The following DENND4C variants were observed in gnomAD, a reference collection of about 807,000 sequenced individuals.
DENND4C encodes the protein DENN domain containing 4C, also known as DENN domain-containing protein 4C.
Under a neutral mutation model 203.0 loss-of-function variants are expected in DENND4C, and 108 were observed. The observed-to-expected ratio is 0.53, with a 90% CI of 0.46 to 0.62. The LOEUF (loss-of-function observed/expected upper bound fraction) is 0.62, where lower values mean the gene tolerates loss of function less well. Among genes scored for constraint, DENND4C ranks in the 20% least tolerant of loss-of-function variants. DENND4C has a pLI of 0.00. For synonymous variants in DENND4C, 871 were observed against 792.4 expected (o/e 1.10, Z -1.67); for missense variants, 2,481 against 2,301.2 (o/e 1.08, Z -1.60).
chr9:19,234,681 A>G (rs929365671), intron 1 of DENND4C, among the ~76,000 whole-genome samples: 1 of 151,808 alleles, frequency 6.6e-6, no homozygotes, highest in African/African-American at 2.4e-5. Context: ...GTGCGCGTGC[A>G]TGTGCGTGCA....
intron 1 of DENND4C, among the ~76,000 whole-genome samples, chr9:19,236,136 A>T (rs1441618479): frequency 4.6e-5 from 7 of 151,926 alleles, no homozygotes; most frequent in Non-Finnish European, 1.0e-4. Flanking sequence ...TCTTTTTTTA[A>T]ATTATGGAAA....
intron 1 of DENND4C, among the ~76,000 whole-genome samples, chr9:19,247,016 A>G (rs1825448141): frequency 6.6e-6 from 1 of 152,160 alleles, no homozygotes; most frequent in Non-Finnish European, 1.5e-5. Flanking sequence ...CACTCCCACC[A>G]ACTGAAATCA....
intron 10 of DENND4C, among the ~76,000 whole-genome samples, chr9:19,315,698 G>A (rs1251618392): frequency 6.7e-6 from 1 of 150,222 alleles, no homozygotes; most frequent in Non-Finnish European, 1.5e-5. Context: ...CATCTCTATG[G>A]CTTTGGGGTT....
At chr9:19,293,602 T>G (rs1836812823) in intron 5 of DENND4C, among the ~76,000 whole-genome samples, 1 of 152,132 alleles carries the variant, frequency 6.6e-6, no homozygotes, top group Non-Finnish European at 1.5e-5. Flanking sequence ...GGGATGGGTA[T>G]AGTGATAGAA....
Position 19,370,379 on chromosome 9 carries a change from A to C in DENND4C, c.5675+392A>C, listed in dbSNP as rs543811628. 2.6e-5 allele frequency among the ~76,000 whole-genome samples: 4 copies of C among 152,168 alleles called. No individual in the cohort carries two copies. The South Asian group carries it at 6.2e-4, about 24-fold the overall frequency. ...TAAGACAGGAGGATTTCTTGAGCCC[A>C]GGAGGTCCAGGTTACAGTCAGCTGT... On this transcript the variant is annotated intron_variant, in intron 31 of 32. Transcript: ENST00000434457.
intron 2 of DENND4C, among the ~76,000 whole-genome samples, chr9:19,283,749 C>G (rs1244300854): frequency 6.6e-6 from 1 of 151,438 alleles, no homozygotes; most frequent in Non-Finnish European, 1.5e-5. Context: ...GCACCTGCCA[C>G]CATGCCAGGC....
chr9:19,233,935 G>GA (rs1190652795), intron 1 of DENND4C, among the ~76,000 whole-genome samples: 1 of 152,012 alleles, frequency 6.6e-6, no homozygotes, highest in Non-Finnish European at 1.5e-5. Context: ...AAATTCAAAA[G>GA]AAAAAATTTA....
At chr9:19,278,192 G>A (rs1321165963) in intron 2 of DENND4C, among the ~76,000 whole-genome samples, 2 of 151,608 alleles carry the variant, frequency 1.3e-5, no homozygotes, top group Admixed American at 1.3e-4. Flanking sequence ...CTGGAGTGCA[G>A]TGGCGCAATC....
intron 30 of DENND4C, 40 bp from the exon 31 acceptor site, chr9:19,369,797 G>T: frequency 7.6e-6 from 9 of 1,181,318 alleles, no homozygotes; most frequent in Middle Eastern, 2.1e-4. Flanking sequence ...AATAATAATA[G>T]TAATAATTGA....
chr9:19,299,749 C>G (rs1838175699), intron 8 of DENND4C, among the ~76,000 whole-genome samples: 1 of 152,134 alleles, frequency 6.6e-6, no homozygotes, highest in Admixed American at 6.5e-5. Flanking sequence ...GCCAGTGTGT[C>G]CTTTTGAAAA....
At position 19,326,222 on chromosome 9, in the gene DENND4C, T is replaced by C. The variant is rs762884510; in HGVS notation, c.2120+28T>C. ...AGTAGGAAGTTTTAAAAGAGCTTAA[T>C]GGCACAGCCTATCAGTTTCTTTTAA... On this transcript the variant is annotated intron_variant, in intron 15 of 32. Transcript: ENST00000434457. 4 of 1,584,448 alleles carry C rather than the reference T, an allele frequency of 2.5e-6. No homozygotes were observed. In the African/African-American group the frequency reaches 4.1e-5, roughly 16 times the overall value.
intron 5 of DENND4C, chr9:19,292,703 GC>G (rs1564126178): frequency 6.6e-6 from 1 of 151,736 alleles, no homozygotes; most frequent in African/African-American, 2.4e-5. Flanking sequence ...CTGCCACCAC[GC>G]CCGGCTAATT....
At chr9:19,354,310 G>A (rs10121945) in intron 26 of DENND4C, among the ~76,000 whole-genome samples, 17,345 of 152,076 alleles carry the variant, frequency 0.11, 1,264 homozygotes, top group African/African-American at 0.19. Flanking sequence ...TTGGACTTGT[G>A]AAGTAGTTTC....
intron 1 of DENND4C, among the ~76,000 whole-genome samples, chr9:19,248,564 AT>A (rs1212778065): frequency 4.6e-5 from 7 of 151,412 alleles, no homozygotes; most frequent in African/African-American, 1.7e-4. Flanking sequence ...TAATTTTTGT[AT>A]TTTTAGTAAA....
chr9:19,290,564 C>A, intron 4 of DENND4C, 140 bp from the exon 5 acceptor site: 1 of 536,834 alleles, frequency 1.9e-6, no homozygotes, highest in Non-Finnish European at 2.9e-6. Context: ...TCTGTTATAG[C>A]AAGGGGGAAA....
At chr9:19,245,251 G>A (rs1219994361) in intron 1 of DENND4C, among the ~76,000 whole-genome samples, 1 of 151,510 alleles carries the variant, frequency 6.6e-6, no homozygotes, top group Non-Finnish European at 1.5e-5. Context: ...GGCAGATCAC[G>A]AGGTCAGGAG....
chr9:19,363,665 T>TAAA (rs1421731359), intron 30 of DENND4C, among the ~76,000 whole-genome samples: 1 of 152,144 alleles, frequency 6.6e-6, no homozygotes, highest in Admixed American at 6.5e-5. Context: ...AAACATATTT[T>TAAA]AAAAGCTCAA....
At chr9:19,263,656 C>CT (rs1287405760) in intron 1 of DENND4C, among the ~76,000 whole-genome samples, 1 of 135,268 alleles carries the variant, frequency 7.4e-6, no homozygotes, top group African/African-American at 2.9e-5. Flanking sequence ...ATTTTCTTCC[C>CT]ATTTTTTTTT....
Position 19,276,185 on chromosome 9 carries a change from A to G in DENND4C, c.11A>G (p.Asp4Gly). MIE[D>G]KGPRVTDYFV... The stretch of plus-strand genomic sequence containing the variant: ...AATACAGTAGCAGCCATGATAGAAG[A>G]CAAAGGACCAAGAGTGACAGACTAC... Residue 4 changes from aspartate to glycine, a missense_variant, in exon 2 of 33, where the codon GAC becomes GGC. This residue lies in a region of DENND4C where 187 missense variants were observed against 167.4 expected (regional missense o/e 1.12). Transcript: ENST00000434457. 1 of 1,232,054 alleles carries G rather than the reference A, an allele frequency of 8.1e-7. No homozygotes were observed. The highest frequency in any genetic ancestry group is 1.5e-5 in the African/African-American group (1 of 64,540). 76.3% of individuals were successfully genotyped at this position (1,232,054 alleles called of 1,614,324 possible). A position where few individuals can be genotyped will look rare whatever the true frequency, so the allele number is the denominator to read the frequency against.
Sources: gnomAD v4.1 joint callset for allele counts (sites outside exome capture counted in the v4.1 genomes callset) on GRCh38, gnomAD v4.1.1 for gene constraint, gnomAD v4.1.1 regional missense constraint, MANE v1.5 for transcripts, NCBI Gene and HGNC (gene_info 2026-07-23, HGNC 2026-07-21) for gene names.